IL1RAPL2: variants seen among roughly 807,000 people sequenced by gnomAD.
The protein encoded by IL1RAPL2 is X-linked interleukin-1 receptor accessory protein-like 2.
Under a neutral mutation model 44.1 loss-of-function variants are expected in IL1RAPL2, and 3 were observed. The observed-to-expected ratio is 0.07, with a 90% CI of 0.03 to 0.18. The LOEUF is 0.18. IL1RAPL2 is among the 10% of genes least tolerant of loss of function. The probability of loss-of-function intolerance (pLI) is 1.00; values close to 1 mark genes in which losing one functional copy is unlikely to be tolerated. For missense variants in IL1RAPL2, 391 were observed against 496.4 expected (o/e 0.79, Z 2.02); for synonymous variants, 181 against 178.8 (o/e 1.01, Z -0.10).
At chrX:104,676,775 AT>A (rs1930770211) in intron 2 of IL1RAPL2, among the ~76,000 whole-genome samples, 1 of 111,193 alleles carries the variant, frequency 9.0e-6, no homozygotes, top group Non-Finnish European at 1.9e-5. Context: ...ATAGTCCCAT[AT>A]TTCTTGGAGG....
At chrX:104,699,201 G>A (rs1480219335) in intron 2 of IL1RAPL2, among the ~76,000 whole-genome samples, 1 of 111,540 alleles carries the variant, frequency 9.0e-6, no homozygotes, top group Non-Finnish European at 1.9e-5. Flanking sequence ...CATGATTCAA[G>A]TGCATTACAT....
chrX:104,919,619 C>G (rs1224436808), intron 2 of IL1RAPL2, among the ~76,000 whole-genome samples: 1 of 107,223 alleles, frequency 9.3e-6, no homozygotes, highest in East Asian at 2.9e-4. Flanking sequence ...CAACCTCCCC[C>G]TCCTGGGTTC....
At chrX:105,107,271 TG>T (rs1481294471) in intron 2 of IL1RAPL2, among the ~76,000 whole-genome samples, 2 of 112,174 alleles carry the variant, frequency 1.8e-5, no homozygotes, top group African/African-American at 6.5e-5. Context: ...AGTGCAGCTA[TG>T]GGGCTTTGGG....
intron 2 of IL1RAPL2, among the ~76,000 whole-genome samples, chrX:105,150,874 GA>G (rs202131851): frequency 1.8e-5 from 2 of 109,292 alleles, no homozygotes; most frequent in Middle Eastern, 4.7e-3. Flanking sequence ...TGAGGAAATG[GA>G]AAAAAAAATC....
chrX:104,953,290 A>G (rs1925634253), intron 2 of IL1RAPL2, among the ~76,000 whole-genome samples: 1 of 111,999 alleles, frequency 8.9e-6, no homozygotes, highest in Non-Finnish European at 1.9e-5. Flanking sequence ...GAGTACTCTT[A>G]TAGAAGAAAA....
intron 6 of IL1RAPL2, among the ~76,000 whole-genome samples, chrX:105,617,064 G>C (rs1041068626): frequency 5.5e-5 from 6 of 110,090 alleles, no homozygotes; most frequent in Non-Finnish European, 9.5e-5. Context: ...GAACAAACTA[G>C]ATAACATACA....
At chrX:104,949,630 G>A (rs1341440228) in intron 2 of IL1RAPL2, among the ~76,000 whole-genome samples, 7 of 104,107 alleles carry the variant, frequency 6.7e-5, no homozygotes, top group African/African-American at 1.4e-4. Flanking sequence ...CTTTGTTCTC[G>A]TTGGTTTCAA....
chrX:105,426,519 T>C (rs917452490), intron 5 of IL1RAPL2, among the ~76,000 whole-genome samples: 8 of 111,391 alleles, frequency 7.2e-5, no homozygotes, highest in Non-Finnish European at 1.3e-4. Context: ...ATTCTACTCC[T>C]TGTTATTCTC....
chrX:105,512,894 T>A (rs893850023), intron 6 of IL1RAPL2, among the ~76,000 whole-genome samples: 12 of 110,694 alleles, frequency 1.1e-4, no homozygotes, highest in Non-Finnish European at 1.9e-4. Context: ...ACATTAGGTA[T>A]TTCTCCTAAT....
intron 3 of IL1RAPL2, chrX:105,220,647 C>T: frequency 6.6e-6 from 2 of 305,263 alleles, no homozygotes; most frequent in East Asian, 9.2e-5. Flanking sequence ...TCTTAACACG[C>T]CCGAAGAGAG....
intron 5 of IL1RAPL2, among the ~76,000 whole-genome samples, chrX:105,408,535 G>A (rs1463950200): frequency 4.5e-5 from 5 of 111,056 alleles, no homozygotes; most frequent in Non-Finnish European, 9.5e-5. Flanking sequence ...ACAGTAAAGG[G>A]TACATATGCA....
chrX:105,679,663 G>A (rs2037905951), intron 6 of IL1RAPL2, among the ~76,000 whole-genome samples: 1 of 111,781 alleles, frequency 8.9e-6, no homozygotes, highest in African/African-American at 3.2e-5. Flanking sequence ...ACAGAACAAT[G>A]ATTTTGCTTA....
intron 2 of IL1RAPL2, among the ~76,000 whole-genome samples, chrX:105,106,034 G>A (rs758032110): frequency 6.3e-5 from 7 of 111,565 alleles, no homozygotes; most frequent in African/African-American, 1.3e-4. Context: ...AAGATTCACC[G>A]GTGCAGAGAT....
intron 5 of IL1RAPL2, among the ~76,000 whole-genome samples, chrX:105,282,447 A>G (rs761242782): frequency 1.6e-4 from 18 of 111,652 alleles, no homozygotes; most frequent in Non-Finnish European, 3.0e-4. Flanking sequence ...ACTGGGCTCC[A>G]GTGGGGATCC....
intron 2 of IL1RAPL2, among the ~76,000 whole-genome samples, chrX:104,790,484 T>C (rs1367868768): frequency 9.0e-6 from 1 of 111,664 alleles, no homozygotes; most frequent in Non-Finnish European, 1.9e-5. Context: ...GCCAGCCTTA[T>C]AGAGTGGGTT....
intron 1 of IL1RAPL2, among the ~76,000 whole-genome samples, chrX:104,591,960 T>A (rs1928675039): frequency 9.1e-6 from 1 of 110,258 alleles, no homozygotes. Context: ...TGATATCGCC[T>A]AAGAATGAGA....
At chrX:105,242,186 A>G (rs2034176086) in intron 4 of IL1RAPL2, among the ~76,000 whole-genome samples, 1 of 111,868 alleles carries the variant, frequency 8.9e-6, no homozygotes, top group Non-Finnish European at 1.9e-5. Flanking sequence ...TTCAAAAGTC[A>G]AAGGAGCAGT....
In IL1RAPL2 at chrX:104,946,094, A is replaced by AT. The variant is rs1332712426; in HGVS notation, c.83-249373dup. 1.0e-4 allele frequency among the ~76,000 whole-genome samples: 11 copies of AT among 109,172 alleles called. No homozygotes were observed. In the East Asian group the frequency reaches 2.3e-3, roughly 23 times the overall value. The allele number at this position is 109,172 out of a possible 115,157, so 94.8% of individuals were successfully genotyped here. ...TCCATGCTTGTGCATCTTCACAACG[A>AT]TTTTTTTTAATGTAAAAACTTTTTT... On this transcript the variant is annotated intron_variant, in intron 2 of 10. Coordinates refer to ENST00000372582, the MANE Select transcript of IL1RAPL2 (RefSeq NM_017416.2).
chrX:104,827,061 G>C (rs1385476313), intron 2 of IL1RAPL2, among the ~76,000 whole-genome samples: 1 of 102,988 alleles, frequency 9.7e-6, no homozygotes, highest in Non-Finnish European at 2.0e-5. Context: ...CACACCGATT[G>C]GTCTTGACTC....
Sources: allele counts gnomAD v4.1 joint callset (sites outside exome capture counted in the v4.1 genomes callset), GRCh38; gene constraint gnomAD v4.1.1; transcripts MANE v1.5; gene names NCBI Gene and HGNC (gene_info 2026-07-23, HGNC 2026-07-21).